The following RAMP1 variants were observed in gnomAD, a reference collection of about 807,000 sequenced individuals.
The protein encoded by RAMP1 is receptor activity modifying protein 1.
Under a neutral mutation model 8.2 loss-of-function variants are expected in RAMP1, and 7 were observed. The observed-to-expected ratio is 0.85, with a 90% CI of 0.49 to 1.60. RAMP1 has a LOEUF of 1.60. Among genes scored for constraint, RAMP1 ranks in the 40% most tolerant of loss-of-function variants. The probability of loss-of-function intolerance (pLI) is 0.00; values close to 1 mark genes in which losing one functional copy is unlikely to be tolerated. For missense variants in RAMP1, 192 were observed against 202.4 expected, an observed-to-expected ratio of 0.95 and a Z score of 0.31; for synonymous variants, 92 against 84.7, an observed-to-expected ratio of 1.09 and a Z score of -0.47.
chr2:237,895,873 C>T (rs1261912532), intron 2 of RAMP1, among the ~76,000 whole-genome samples: 3 of 152,144 alleles, frequency 2.0e-5, no homozygotes, highest in African/African-American at 4.8e-5. Flanking sequence ...TCCTGAGACT[C>T]GGACACATGT....
intron 1 of RAMP1, 144 bp downstream of exon 1, chr2:237,859,871 C>G: frequency 1.3e-6 from 1 of 765,756 alleles, no homozygotes; most frequent in Non-Finnish European, 1.9e-6. Flanking sequence ...CCCTTGAACG[C>G]GGGCCGCCCC....
In RAMP1 at chr2:237,865,262, AGAGAGGAGAGGAGGG is replaced by A. The variant is rs2062175463; in HGVS notation, c.52+5539_52+5553del. ...AGTAGGGAGGGCAGGGCAGGGGAGAAGAGAGGAGAGGAGGGGAGGGGAGAGCAGGGGAGAGGAGAG... is the reference window on the plus strand; with the variant it reads ...AGTAGGGAGGGCAGGGCAGGGGAGAAGAGGGGAGAGCAGGGGAGAGGAGAG... On this transcript the variant is annotated intron_variant, in intron 1 of 2. Transcript: ENST00000254661. The surrounding 1 kb of genome is among the most constrained non-coding windows in gnomAD (Gnocchi z 4.2). Among the ~76,000 whole-genome samples, 1 of 132,358 alleles carries A rather than the reference AGAGAGGAGAGGAGGG, an allele frequency of 7.6e-6. No individual in the cohort carries two copies. 86.8% of individuals were successfully genotyped at this position (132,358 alleles called of 152,430 possible).
At chr2:237,894,266 C>T (rs1009656665) in intron 2 of RAMP1, among the ~76,000 whole-genome samples, 6 of 152,142 alleles carry the variant, frequency 3.9e-5, no homozygotes, top group Admixed American at 1.3e-4. Context: ...CCACTTCACC[C>T]GGCCTAAAGT....
At chr2:237,886,569 G>C (rs1047978239) in intron 2 of RAMP1, among the ~76,000 whole-genome samples, 41 of 152,278 alleles carry the variant, frequency 2.7e-4, no homozygotes, top group African/African-American at 8.4e-4. Flanking sequence ...GCTGGGGCTG[G>C]AGCGGGCGAC....
rs1314339311 is a variant in RAMP1, at chr2:237,875,252, G to T, written c.53-1972G>T. Among the ~76,000 whole-genome samples the T allele has an allele frequency of 2.6e-5, 4 of 152,116 alleles. No individual in the cohort carries two copies. The East Asian group carries it at 7.7e-4, about 29-fold the overall frequency. On this transcript the variant is annotated intron_variant, in intron 1 of 2. Transcript: ENST00000254661. ...GGTGAAAGAAGCCCCCAGGGTGGGGGGTGCATCCACAGCGGGCCCAGCCAG... is the reference window on the plus strand; with the variant it reads ...GGTGAAAGAAGCCCCCAGGGTGGGGTGTGCATCCACAGCGGGCCCAGCCAG...
chr2:237,888,062 G>GT (rs201064120), intron 2 of RAMP1, among the ~76,000 whole-genome samples: 10 of 151,570 alleles, frequency 6.6e-5, no homozygotes, highest in South Asian at 2.1e-4. Flanking sequence ...GTTCTGGGGG[G>GT]TTTTTTTTTG....
intron 2 of RAMP1, among the ~76,000 whole-genome samples, chr2:237,901,313 G>A (rs2062594407): frequency 6.6e-6 from 1 of 152,260 alleles, no homozygotes; most frequent in African/African-American, 2.4e-5. Context: ...GGTGGTGTCT[G>A]CAGTCTGGTT....
intron 2 of RAMP1, among the ~76,000 whole-genome samples, chr2:237,910,182 TCA>T (rs1023868100): frequency 3.3e-5 from 5 of 149,490 alleles, no homozygotes; most frequent in Non-Finnish European, 6.0e-5. Flanking sequence ...ACACACAGGT[TCA>T]CACACACAGA....
At chr2:237,859,949 CG>C (rs1405880546) in intron 1 of RAMP1, 5 of 446,666 alleles carry the variant, frequency 1.1e-5, no homozygotes, top group Middle Eastern at 5.8e-4. Flanking sequence ...CGCTTCTCGC[CG>C]GGGAAGGGAC....
intron 2 of RAMP1, among the ~76,000 whole-genome samples, chr2:237,899,127 G>A (rs1015508937): frequency 1.3e-5 from 2 of 151,736 alleles, no homozygotes; most frequent in Non-Finnish European, 2.9e-5. Context: ...CTGGAGTGCA[G>A]TGGCATGATC....
intron 2 of RAMP1, among the ~76,000 whole-genome samples, chr2:237,908,049 G>C (rs1228395604): frequency 6.6e-6 from 1 of 152,196 alleles, no homozygotes; most frequent in African/African-American, 2.4e-5. Flanking sequence ...ATGTACCATA[G>C]GCCTCAAGTA....
At chr2:237,884,985 G>A (rs1383597615) in intron 2 of RAMP1, among the ~76,000 whole-genome samples, 1 of 152,242 alleles carries the variant, frequency 6.6e-6, no homozygotes, top group Admixed American at 6.5e-5. Flanking sequence ...AGTGCCTGCT[G>A]TGGTACGGCG....
intron 2 of RAMP1, among the ~76,000 whole-genome samples, chr2:237,880,698 G>A (rs1370522139): frequency 6.6e-6 from 1 of 152,220 alleles, no homozygotes; most frequent in South Asian, 2.1e-4. Flanking sequence ...GGGAGCCGAC[G>A]CAGCATTCTT....
rs991278836 is a variant in RAMP1, at chr2:237,877,376, C to A, written c.191+14C>A. On this transcript the variant is annotated intron_variant, in intron 2 of 2. Coordinates refer to ENST00000254661, the MANE Select transcript of RAMP1 (RefSeq NM_005855.4). This position sits in a 1 kb window ranked among gnomAD's most constrained non-coding sequence, Gnocchi z 4.4. ...CAGGACCATCAGGTGAGTCCCATGGCCCCTGGTGGGCAGGACACGGTTGGG... is the reference window on the plus strand; with the variant it reads ...CAGGACCATCAGGTGAGTCCCATGGACCCTGGTGGGCAGGACACGGTTGGG... 2 of 1,606,896 alleles carry A rather than the reference C, an allele frequency of 1.2e-6. No individual in the cohort carries two copies. The highest frequency in any genetic ancestry group is 2.2e-5 in the South Asian group (2 of 89,722).
intron 2 of RAMP1, among the ~76,000 whole-genome samples, chr2:237,892,412 C>T (rs1171451821): frequency 6.6e-6 from 1 of 151,844 alleles, no homozygotes; most frequent in Non-Finnish European, 1.5e-5. Flanking sequence ...GCATGCACCA[C>T]ATCATCTGCC....
At position 237,909,325 on chromosome 2, in the gene RAMP1, C is replaced by T. The variant is rs149525148; in HGVS notation, c.192-2203C>T. ...CAAAACAATGGGTAACAGCGGTCCC[C>T]GAGCATGAGCGAGCTCACACACAGG... On this transcript the variant is annotated intron_variant, in intron 2 of 2. Coordinates refer to ENST00000254661, the MANE Select transcript of RAMP1 (RefSeq NM_005855.4). Among the ~76,000 whole-genome samples, 555 of 152,164 alleles carry T rather than the reference C, an allele frequency of 3.6e-3. 5 individuals carry two copies. Among genetic ancestry groups the T allele is most frequent in the African/African-American group, 0.013 (533 of 41,522 alleles).
chr2:237,870,932 C>G (rs995872388), intron 1 of RAMP1, among the ~76,000 whole-genome samples: 4 of 152,236 alleles, frequency 2.6e-5, no homozygotes, highest in Non-Finnish European at 5.9e-5. Context: ...GGGGTAGAGG[C>G]TCTGAGCCCG....
intron 2 of RAMP1, among the ~76,000 whole-genome samples, chr2:237,906,519 CT>C (rs1376752230): frequency 6.6e-6 from 1 of 152,138 alleles, no homozygotes; most frequent in African/African-American, 2.4e-5. Flanking sequence ...CATTTACTCA[CT>C]TTCTAGATTA....
At chr2:237,866,821 C>T (rs1259324806) in intron 1 of RAMP1, among the ~76,000 whole-genome samples, 10 of 151,936 alleles carry the variant, frequency 6.6e-5, no homozygotes, top group Admixed American at 1.3e-4. Flanking sequence ...CTCCAACTCC[C>T]GGGTTCAAGT....
Sources: gnomAD v4.1 joint callset for allele counts (sites outside exome capture counted in the v4.1 genomes callset) on GRCh38, gnomAD v4.1.1 for gene constraint, Gnocchi (gnomAD v3.1) non-coding constraint, MANE v1.5 for transcripts, NCBI Gene and HGNC (gene_info 2026-07-23, HGNC 2026-07-21) for gene names.